TRIM6: variants seen among roughly 807,000 people sequenced by gnomAD.
TRIM6 encodes the protein tripartite motif-containing protein 6.
A neutral mutation model predicts 51.2 loss-of-function variants in TRIM6; 43 were observed. That is an observed-to-expected ratio of 0.84 (90% CI 0.66 to 1.08). TRIM6 has a LOEUF of 1.08. Among genes scored for constraint, TRIM6 ranks in the 50% least tolerant of loss-of-function variants. The probability of loss-of-function intolerance (pLI) is 0.00; values close to 1 mark genes in which losing one functional copy is unlikely to be tolerated. For missense variants in TRIM6, 669 were observed against 619.0 expected, an observed-to-expected ratio of 1.08 and a Z score of -0.86; for synonymous variants, 215 against 232.4, an observed-to-expected ratio of 0.93 and a Z score of 0.68.
rs1848484406 is a variant in TRIM6, at chr11:5,610,149, G to A, written c.862G>A (p.Glu288Lys). The change falls in exon 6 of 8, where the codon GAG becomes AAG. Residue 288 changes from glutamate to lysine, a missense_variant. Glu to Lys is a moderately conservative substitution (Grantham distance 56, BLOSUM62 1). Transcript: ENST00000380097. ...QDVSDVTERS[E>K]FWTLRKPEAL... ...CAGAAGTCCTGTCCTTTCTAGGAGT[G>A]AGTTCTGGACCCTGAGGAAGCCAGA... is the stretch of plus-strand genomic sequence containing the variant. 1 of 1,614,054 alleles carries A rather than the reference G, an allele frequency of 6.2e-7. No homozygotes were observed. The highest frequency in any genetic ancestry group is 8.5e-7 in the Non-Finnish European group (1 of 1,179,966).
intron 4 of TRIM6, among the ~76,000 whole-genome samples, chr11:5,606,813 G>C (rs1237918626): frequency 1.3e-5 from 2 of 152,158 alleles, no homozygotes; most frequent in Admixed American, 1.3e-4. Flanking sequence ...ATTTAAACTT[G>C]AGTAGTCTTT....
At chr11:5,597,054 C>G (rs1847510445) in intron 1 of TRIM6, 140 bp downstream of exon 1, 3 of 1,395,966 alleles carry the variant, frequency 2.1e-6, no homozygotes, top group South Asian at 2.6e-5. Flanking sequence ...AATGACCCCA[C>G]TGAGGTTAGA....
intron 4 of TRIM6, 138 bp downstream of exon 4, chr11:5,605,705 A>G: frequency 1.9e-6 from 2 of 1,071,370 alleles, no homozygotes; most frequent in Non-Finnish European, 2.6e-6. Flanking sequence ...CCTATCCCCT[A>G]TTAAACTGTT....
At chr11:5,608,223 C>G (rs1472318513) in intron 4 of TRIM6, 149 bp from the exon 5 acceptor site, 1 of 1,159,536 alleles carries the variant, frequency 8.6e-7, no homozygotes, top group African/African-American at 1.6e-5. Flanking sequence ...TAGGGACAGT[C>G]TGCCCTGAGT....
At chr11:5,598,084 T>A (rs1000137673) in intron 1 of TRIM6, among the ~76,000 whole-genome samples, 1 of 152,224 alleles carries the variant, frequency 6.6e-6, no homozygotes, top group African/African-American at 2.4e-5. Context: ...TTTCTTCTGC[T>A]AATTTGATGC....
intron 1 of TRIM6, among the ~76,000 whole-genome samples, chr11:5,602,293 A>T (rs1017148033): frequency 6.6e-6 from 1 of 152,026 alleles, no homozygotes; most frequent in Non-Finnish European, 1.5e-5. Context: ...TACAAAAAAA[A>T]TTAGCCGGAC....
intron 4 of TRIM6, among the ~76,000 whole-genome samples, chr11:5,607,214 A>T (rs1031094227): frequency 2.6e-5 from 4 of 152,154 alleles, no homozygotes; most frequent in South Asian, 2.1e-4. Flanking sequence ...AAAAAAAAAA[A>T]ATATTTTATA....
rs776993739 is a variant in TRIM6, at chr11:5,610,726, C to T, written c.986-51C>T. The T allele has an allele frequency of 1.3e-5, 20 of 1,591,908 alleles. No homozygotes were observed. In the South Asian group the frequency reaches 1.3e-4, roughly 10 times the overall value. ...CCTGTGTTTCCTCTTCTCAGCATAA[C>T]GAGACCCATGTCCCCGTTCTCATCT... On this transcript the variant is annotated intron_variant, in intron 7 of 7. Transcript: ENST00000380097.
chr11:5,610,501 T>A (rs1590120473), intron 6 of TRIM6, 34 bp from the exon 7 acceptor site: 1 of 1,614,078 alleles, frequency 6.2e-7, no homozygotes. Flanking sequence ...CAGTTGGTCC[T>A]ATTCAACATT....
intron 4 of TRIM6, among the ~76,000 whole-genome samples, chr11:5,607,078 CCTGTA>C (rs1267738565): frequency 2.0e-5 from 3 of 152,078 alleles, no homozygotes; most frequent in Non-Finnish European, 4.4e-5. Flanking sequence ...GTGGCGGGCG[CCTGTA>C]GTCCCAGCTA....
At chr11:5,598,027 G>A (rs572628885) in intron 1 of TRIM6, among the ~76,000 whole-genome samples, 5 of 152,184 alleles carry the variant, frequency 3.3e-5, no homozygotes, top group Non-Finnish European at 5.9e-5. Flanking sequence ...TTTTTCAGGC[G>A]TCTGGTTCTG....
chr11:5,605,384 G>C lies in TRIM6; in HGVS notation c.651G>C (p.Gln217His), dbSNP rs61758096. ...GCAGGATCCAGACAGAGTTTAATCA[G>C]CTGCGAAATATCCTAGACAGAGTGG... ...ERCRIQTEFNQLRNILDRVEQ... is the reference protein window; with the variant it reads ...ERCRIQTEFNHLRNILDRVEQ... Residue 217 changes from glutamine to histidine, a missense_variant, in exon 4 of 8, where the codon CAG becomes CAC. Physicochemically the swap from Gln to His is conservative, Grantham distance 24. Coordinates refer to ENST00000380097, the MANE Select transcript of TRIM6 (RefSeq NM_001003818.3). 4,120 of 1,614,144 alleles carry C rather than the reference G, an allele frequency of 2.6e-3. 9 individuals carry two copies. Among genetic ancestry groups the C allele is most frequent in the Non-Finnish European group, 2.8e-3 (3,267 of 1,180,036 alleles).
Position 5,601,739 on chromosome 11 carries a change from T to A in TRIM6, c.18-1507T>A, listed in dbSNP as rs550892169. ...TGCCACTGCCCTCCAGCCTGGGCGA[T>A]AGAGCAAGACTCAGTTTCAACAACA... On this transcript the variant is annotated intron_variant, in intron 1 of 7. Transcript: ENST00000380097. 2.5e-4 allele frequency among the ~76,000 whole-genome samples: 38 copies of A among 152,076 alleles called. No homozygotes were observed. In the Middle Eastern group the frequency reaches 0.02, roughly 82 times the overall value.
rs1847500994 is a variant in TRIM6 at position 5,596,917 on chromosome 11, A to T, written c.17+3A>T. The T allele has an allele frequency of 6.2e-7, 1 of 1,614,036 alleles. No homozygotes were observed. The highest frequency in any genetic ancestry group is 1.7e-5 in the Admixed American group (1 of 60,020). On this transcript the variant is annotated splice_donor_region_variant and intron_variant, in intron 1 of 7. Transcript: ENST00000380097. Reference sequence around the variant, plus strand: ...CCCCAGATGTGCGGGTCAGAGAGGTATGTCTACCGTTCTGTTGACTGGCTC... The same window carrying T: ...CCCCAGATGTGCGGGTCAGAGAGGTTTGTCTACCGTTCTGTTGACTGGCTC...
Position 5,603,261 on chromosome 11 carries a change from A to C in TRIM6, c.33A>C (p.Gly11=). The change falls in exon 2 of 8, where the codon GGA becomes GGC. Residue 11 remains glycine, a synonymous_variant. Coordinates refer to ENST00000380097, the MANE Select transcript of TRIM6 (RefSeq NM_001003818.3). Reference sequence around the variant, plus strand: ...ATCTACCTAGGATTCTACAGGCAGGAAACATCTTAGAAATCAGGGTTGGGC... The same window carrying C: ...ATCTACCTAGGATTCTACAGGCAGGCAACATCTTAGAAATCAGGGTTGGGC... MCGSERILQA[G]NILEIRVGQA... 3.1e-6 allele frequency: 5 copies of C among 1,613,668 alleles called. No individual in the cohort carries two copies. The highest frequency in any genetic ancestry group is 4.2e-6 in the Non-Finnish European group (5 of 1,179,730).
In TRIM6 at chr11:5,602,741, G is replaced by A. The variant is rs79096956; in HGVS notation, c.18-505G>A. Among the ~76,000 whole-genome samples the A allele has an allele frequency of 3.3e-3, 506 of 151,728 alleles. 2 individuals are homozygous for A. The highest frequency in any genetic ancestry group is 0.012 in the African/African-American group (486 of 41,478). ...GGCCAAGGCAGGAGCATCACTTAAG[G>A]TCAGGAGTTCAAGACCACCCTGGCT... On this transcript the variant is annotated intron_variant, in intron 1 of 7. Coordinates refer to ENST00000380097, the MANE Select transcript of TRIM6 (RefSeq NM_001003818.3).
At chr11:5,603,955 A>G (rs1451762554) in intron 2 of TRIM6, among the ~76,000 whole-genome samples, 1 of 151,804 alleles carries the variant, frequency 6.6e-6, no homozygotes, top group Non-Finnish European at 1.5e-5. Flanking sequence ...TGGTTGATTG[A>G]GTGTGGAGAT....
chr11:5,596,800 T>G lies in TRIM6; in HGVS notation c.-98T>G. The G allele has an allele frequency of 6.3e-7, 1 of 1,591,890 alleles. No individual in the cohort carries two copies. Among genetic ancestry groups the G allele is most frequent in the African/African-American group, 1.3e-5 (1 of 74,446 alleles). On this transcript the variant is annotated 5_prime_UTR_variant, in exon 1 of 8. Coordinates refer to ENST00000380097, the MANE Select transcript of TRIM6 (RefSeq NM_001003818.3). ...ATAAAAGCCGAGTGAGCGCGCTCTG[T>G]TCCTTAAGATTAGTTTAAGGTGCCT...
chr11:5,596,754 G>A lies in TRIM6; in HGVS notation c.-144G>A. The stretch of plus-strand genomic sequence containing the variant: ...CTTTCTCGGAACGGAACGGAGCAGA[G>A]TCGTGCGTGGTTGAGTTTAGATAAA... On this transcript the variant is annotated 5_prime_UTR_variant, in exon 1 of 8. Transcript: ENST00000380097. 3.9e-6 allele frequency: 5 copies of A among 1,273,502 alleles called. No homozygotes were observed. The highest frequency in any genetic ancestry group is 2.1e-4 in the Middle Eastern group (1 of 4,768). 78.9% of individuals were successfully genotyped at this position (1,273,502 alleles called of 1,614,324 possible).
Sources: gnomAD v4.1 joint callset for allele counts (sites outside exome capture counted in the v4.1 genomes callset) on GRCh38, gnomAD v4.1.1 for gene constraint, MANE v1.5 for transcripts, NCBI Gene and HGNC (gene_info 2026-07-23, HGNC 2026-07-21) for gene names.